Variants in FHIT observed in about 807,000 individuals in gnomAD.
FHIT encodes fragile histidine triad diadenosine triphosphatase.
A neutral mutation model predicts 17.9 loss-of-function variants in FHIT; 19 were observed. The observed-to-expected ratio is 1.06, with a 90% confidence interval of 0.74 to 1.56. The LOEUF is 1.56. FHIT is among the 40% of genes most tolerant of loss of function. The pLI, the probability that FHIT is intolerant of heterozygous loss-of-function variation, is 0.00. For synonymous variants in FHIT, 81 were observed against 69.7 expected, an observed-to-expected ratio of 1.16 and a Z score of -0.81; for missense variants, 248 against 189.2, an observed-to-expected ratio of 1.31 and a Z score of -1.82.
chr3:61,059,754 C>T (rs1262475148), intron 2 of FHIT, among the ~76,000 whole-genome samples: 1 of 152,196 alleles, frequency 6.6e-6, no homozygotes, highest in Non-Finnish European at 1.5e-5. Context: ...TCCTCAACGT[C>T]GTTCTTGCAT....
At chr3:60,451,845 C>G (rs1217132662) in intron 5 of FHIT, among the ~76,000 whole-genome samples, 2 of 152,096 alleles carry the variant, frequency 1.3e-5, no homozygotes, top group Admixed American at 6.6e-5. Context: ...AAGAAAATCA[C>G]AGCTTTAGCA....
At chr3:60,886,353 G>T (rs9849492) in intron 3 of FHIT, among the ~76,000 whole-genome samples, 6,430 of 152,178 alleles carry the variant, frequency 0.042, 421 homozygotes, top group African/African-American at 0.14. Context: ...TTCATGAGAA[G>T]AACTTGAAAA....
At chr3:59,767,853 T>C (rs968714763) in intron 8 of FHIT, among the ~76,000 whole-genome samples, 2 of 152,206 alleles carry the variant, frequency 1.3e-5, no homozygotes, top group African/African-American at 4.8e-5. Flanking sequence ...TCCCTTTCTG[T>C]CTATTCCCCC....
intron 5 of FHIT, among the ~76,000 whole-genome samples, chr3:60,061,782 A>G (rs1458352182): frequency 6.6e-6 from 1 of 152,208 alleles, no homozygotes; most frequent in Non-Finnish European, 1.5e-5. Flanking sequence ...CTTTCAAATA[A>G]GGTGAATAGA....
intron 4 of FHIT, among the ~76,000 whole-genome samples, chr3:60,759,549 G>A (rs1699561752): frequency 6.6e-6 from 1 of 152,160 alleles, no homozygotes; most frequent in Non-Finnish European, 1.5e-5. Flanking sequence ...AGTCATTACA[G>A]ATTGACAGAT....
At chr3:60,231,556 A>C (rs1363258905) in intron 5 of FHIT, among the ~76,000 whole-genome samples, 1 of 152,154 alleles carries the variant, frequency 6.6e-6, no homozygotes, top group Non-Finnish European at 1.5e-5. Context: ...TTATCACTGA[A>C]CAAGACACCA....
At chr3:60,859,131 C>T (rs1553750704) in intron 3 of FHIT, among the ~76,000 whole-genome samples, 1 of 152,030 alleles carries the variant, frequency 6.6e-6, no homozygotes, top group African/African-American at 2.4e-5. Flanking sequence ...AAAATAAAGC[C>T]CCACTAAGAG....
At chr3:61,098,732 A>C (rs34673526) in intron 2 of FHIT, among the ~76,000 whole-genome samples, 64,468 of 151,990 alleles carry the variant, frequency 0.42, 15,365 homozygotes, top group Non-Finnish European at 0.54. Context: ...TGACTATGTT[A>C]CTGATTTGGC....
At chr3:60,891,055 G>A (rs1226272806) in intron 3 of FHIT, among the ~76,000 whole-genome samples, 4 of 152,164 alleles carry the variant, frequency 2.6e-5, no homozygotes, top group East Asian at 3.9e-4. Context: ...CAAAGACACT[G>A]CCTGTCACTA....
At position 60,479,995 on chromosome 3, in the gene FHIT, T is replaced by G. The variant is rs187348002; in HGVS notation, c.103+56865A>C. Among the ~76,000 whole-genome samples the G allele has an allele frequency of 3.8e-4, 58 of 152,252 alleles. 1 individual carries two copies. Among genetic ancestry groups the G allele is most frequent in the Non-Finnish European group, 7.4e-4 (50 of 68,010 alleles). ...ACTGGTTGATGTTGTATTAGTCCAT[T>G]TTCACAATGCAATAAAGATATTACC... is the stretch of plus-strand genomic sequence containing the variant. On this transcript the variant is annotated intron_variant, in intron 5 of 9. Transcript: ENST00000492590.
At chr3:60,878,845 T>G (rs1704815330) in intron 3 of FHIT, among the ~76,000 whole-genome samples, 1 of 152,240 alleles carries the variant, frequency 6.6e-6, no homozygotes, top group Non-Finnish European at 1.5e-5. Context: ...CTGCATAGTA[T>G]TCCATGGTGT....
intron 2 of FHIT, among the ~76,000 whole-genome samples, chr3:61,175,354 T>G (rs1190244131): frequency 6.6e-6 from 1 of 152,098 alleles, no homozygotes; most frequent in Non-Finnish European, 1.5e-5. Flanking sequence ...ACTTTCAACA[T>G]CCATCTTCCA....
Position 59,895,243 on chromosome 3 carries a change from G to A in FHIT, c.348+27103C>T, listed in dbSNP as rs533151347. On this transcript the variant is annotated intron_variant, in intron 8 of 9. Transcript: ENST00000492590. ...TTAGCACGGAACACAGAGCAGTGTG[G>A]ACTCATTGCTAAATGTTTTCCTCAC... Among the ~76,000 whole-genome samples, 456 of 152,336 alleles carry A rather than the reference G, an allele frequency of 3.0e-3. 7 individuals carry two copies. Among genetic ancestry groups the A allele is most frequent in the South Asian group, 0.024 (117 of 4,824 alleles).
intron 8 of FHIT, among the ~76,000 whole-genome samples, chr3:59,828,610 T>A (rs769394543): frequency 5.3e-5 from 8 of 152,184 alleles, no homozygotes; most frequent in Non-Finnish European, 1.2e-4. Context: ...CACAAGGCAC[T>A]TGCCTAACTT....
chr3:60,976,895 A>G (rs1475412974), intron 3 of FHIT, among the ~76,000 whole-genome samples: 1 of 144,398 alleles, frequency 6.9e-6, no homozygotes, highest in Non-Finnish European at 1.5e-5. Flanking sequence ...TTTTTTTTTT[A>G]TTTTTAAAAA....
At chr3:60,169,592 C>T (rs933085504) in intron 5 of FHIT, among the ~76,000 whole-genome samples, 4 of 152,186 alleles carry the variant, frequency 2.6e-5, no homozygotes, top group African/African-American at 7.2e-5. Flanking sequence ...AACATCACAA[C>T]CCATGTTCCC....
At chr3:60,014,924 T>C (rs1030984446) in intron 5 of FHIT, among the ~76,000 whole-genome samples, 1 of 152,318 alleles carries the variant, frequency 6.6e-6, no homozygotes, top group South Asian at 2.1e-4. Context: ...GAAAAAAGGA[T>C]AGAAATTTGA....
intron 5 of FHIT, chr3:60,077,310 T>G (rs988950993): frequency 1.3e-5 from 2 of 152,006 alleles, no homozygotes; most frequent in Non-Finnish European, 1.5e-5. Flanking sequence ...CACGCATGTA[T>G]TGCCTACCTC....
chr3:60,084,157 G>C (rs1388300803), intron 5 of FHIT, among the ~76,000 whole-genome samples: 1 of 152,190 alleles, frequency 6.6e-6, no homozygotes, highest in African/African-American at 2.4e-5. Context: ...GAAAGGTTCA[G>C]AGGGGTAACC....
Sources: allele counts gnomAD v4.1 joint callset (sites outside exome capture counted in the v4.1 genomes callset), GRCh38; gene constraint gnomAD v4.1.1; transcripts MANE v1.5; gene names NCBI Gene and HGNC (gene_info 2026-07-23, HGNC 2026-07-21).